Variants in GALR1 observed in about 807,000 individuals in gnomAD.
GALR1 encodes the protein galanin receptor type 1.
Under a neutral mutation model 17.9 loss-of-function variants are expected in GALR1, and 11 were observed. That is an observed-to-expected ratio of 0.62 (90% CI 0.39 to 1.02). The LOEUF (loss-of-function observed/expected upper bound fraction) is 1.02. GALR1 is among the 50% of genes least tolerant of loss of function. The probability of loss-of-function intolerance (pLI) is 0.01; values close to 1 mark genes in which losing one functional copy is unlikely to be tolerated. For synonymous variants in GALR1, 206 were observed against 205.7 expected (o/e 1.00, Z -0.01); for missense variants, 441 against 456.9 (o/e 0.97, Z 0.32).
chr18:77,252,932 C>T (rs947274653), intron 1 of GALR1, among the ~76,000 whole-genome samples: 709 of 40,452 alleles, frequency 0.018, 3 homozygotes, highest in African/African-American at 0.024. Context: ...ATCACCACCA[C>T]CACCACCACC....
Position 77,275,051 on chromosome 18 carries a change from A to T in GALR1, c.*6149A>T, listed in dbSNP as rs2000841. On this transcript the variant is annotated 3_prime_UTR_variant, in exon 3 of 3. Coordinates refer to ENST00000299727, the MANE Select transcript of GALR1 (RefSeq NM_001480.4). ...CCATCTAACAGAAACGCAAGCTTCA[A>T]GAGCAAGTTATTTTTATAACAGATC... 21,265 of 152,292 alleles carry T rather than the reference A, an allele frequency of 0.14. 1,595 individuals carry two copies. The highest frequency in any genetic ancestry group is 0.17 in the Admixed American group (2,584 of 15,292). The allele number at this position is 152,292 out of a possible 1,614,324, so 9.4% of individuals were successfully genotyped here.
intron 2 of GALR1, among the ~76,000 whole-genome samples, chr18:77,259,449 C>CATGGTGGTGATGGTGGTG (rs1193081379): frequency 3.4e-5 from 2 of 59,594 alleles, no homozygotes; most frequent in Admixed American, 1.7e-4. Flanking sequence ...TGATGGTGAT[C>CATGGTGGTGATGGTGGTG]ATGGTGGTGA....
At position 77,270,776 on chromosome 18, in the gene GALR1, T is replaced by C. The variant is rs1030653456; in HGVS notation, c.*1874T>C. The C allele has an allele frequency of 6.6e-6, 1 of 152,194 alleles. No homozygotes were observed. The highest frequency in any genetic ancestry group is 1.5e-5 in the Non-Finnish European group (1 of 68,018). 9.4% of individuals were successfully genotyped at this position (152,194 alleles called of 1,614,324 possible). ...AAACGTTAGAAAGATTTTGAAGTGA[T>C]GTATTATGTTTGTTGACTAGAAGAA... On this transcript the variant is annotated 3_prime_UTR_variant, in exon 3 of 3. Coordinates refer to ENST00000299727, the MANE Select transcript of GALR1 (RefSeq NM_001480.4).
rs1403033531 is a variant in GALR1 at position 77,276,860 on chromosome 18, C to A, written c.*7958C>A. Reference sequence around the variant, plus strand: ...CTAGCTACAGAAATTTGTAAGTTTTCAAAAGCATGAAGGAGTTTAATAACT... The same window carrying A: ...CTAGCTACAGAAATTTGTAAGTTTTAAAAAGCATGAAGGAGTTTAATAACT... On this transcript the variant is annotated 3_prime_UTR_variant, in exon 3 of 3. Coordinates refer to ENST00000299727, the MANE Select transcript of GALR1 (RefSeq NM_001480.4). 6.6e-6 allele frequency: 1 copy of A among 152,064 alleles called. No individual in the cohort carries two copies. The highest frequency in any genetic ancestry group is 1.5e-5 in the Non-Finnish European group (1 of 68,010). The allele number at this position is 152,064 out of a possible 1,614,324, so 9.4% of individuals were successfully genotyped here.
Position 77,250,412 on chromosome 18 carries a change from G to T in GALR1, c.-137G>T. On this transcript the variant is annotated 5_prime_UTR_variant, in exon 1 of 3. Transcript: ENST00000299727. ...ACCGGATCCCCGCTCCCGCTGGCTC[G>T]CGCCTCGGGGGAAGCTCAGACTCCT... 1 of 927,896 alleles carries T rather than the reference G, an allele frequency of 1.1e-6. No individual in the cohort carries two copies. The highest frequency in any genetic ancestry group is 1.5e-6 in the Non-Finnish European group (1 of 673,506). 57.5% of individuals were successfully genotyped at this position (927,896 alleles called of 1,614,324 possible).
chr18:77,272,356 G>C lies in GALR1; in HGVS notation c.*3454G>C, dbSNP rs1404776439. On this transcript the variant is annotated 3_prime_UTR_variant, in exon 3 of 3. Coordinates refer to ENST00000299727, the MANE Select transcript of GALR1 (RefSeq NM_001480.4). ...TGAGACCCAAGATCTCAGCAGGAGA[G>C]GACAGCTTATCCAAGCATCCCTTTC... 6.6e-6 allele frequency: 1 copy of C among 152,222 alleles called. No homozygotes were observed. Among genetic ancestry groups the C allele is most frequent in the African/African-American group, 2.4e-5 (1 of 41,450 alleles). The allele number at this position is 152,222 out of a possible 1,614,324, so 9.4% of individuals were successfully genotyped here.
In GALR1 at chr18:77,276,968, T is replaced by C. The variant is rs1913169979; in HGVS notation, c.*8066T>C. On this transcript the variant is annotated 3_prime_UTR_variant, in exon 3 of 3. Transcript: ENST00000299727. ...TTGGTGGAAAAGAGCACCTATGCAT[T>C]CAATTTGTTTCCCTCAAATGCTAAG... The C allele has an allele frequency of 1.3e-5, 2 of 152,234 alleles. No homozygotes were observed. 9.4% of individuals were successfully genotyped at this position (152,234 alleles called of 1,614,324 possible). A position where few individuals can be genotyped will look rare whatever the true frequency, so the allele number is the denominator to read the frequency against.
At chr18:77,252,956 CCATCACCACCACCATCACCACCAT>C (rs1912487807) in intron 1 of GALR1, among the ~76,000 whole-genome samples, 15 of 55,380 alleles carry the variant, frequency 2.7e-4, no homozygotes, top group Admixed American at 6.7e-4. Context: ...ACCATCACCA[CCATCACCACCACCATCACCACCAT>C]CACCACCATC....
chr18:77,256,083 A>G (rs539996945), intron 1 of GALR1, 75 bp from the exon 2 acceptor site: 42 of 773,258 alleles, frequency 5.4e-5, no homozygotes, highest in Non-Finnish European at 6.3e-5. Context: ...CAGCATGTCA[A>G]TAATTGTTAA....
intron 2 of GALR1, among the ~76,000 whole-genome samples, chr18:77,265,888 T>C (rs1161210294): frequency 1.3e-5 from 2 of 152,058 alleles, no homozygotes; most frequent in African/African-American, 4.8e-5. Flanking sequence ...ATGAAACCAC[T>C]TTTCCTCCTA....
chr18:77,259,053 G>C (rs1246531341), intron 2 of GALR1, among the ~76,000 whole-genome samples: 2 of 6,814 alleles, frequency 2.9e-4, no homozygotes, highest in Non-Finnish European at 4.7e-3. Context: ...TCATGGTGGT[G>C]ATGATGGTGG....
In GALR1 at chr18:77,276,929, T is replaced by A. The variant is rs1345125297; in HGVS notation, c.*8027T>A. 2.6e-5 allele frequency: 4 copies of A among 152,118 alleles called. No homozygotes were observed. The highest frequency in any genetic ancestry group is 1.9e-4 in the East Asian group (1 of 5,204). 9.4% of individuals were successfully genotyped at this position (152,118 alleles called of 1,614,324 possible). On this transcript the variant is annotated 3_prime_UTR_variant, in exon 3 of 3. Coordinates refer to ENST00000299727, the MANE Select transcript of GALR1 (RefSeq NM_001480.4). Reference sequence around the variant, plus strand: ...TGTTATAATTTTTGCCTCAAAAAAATAAAATAAAATAGCTTGGTGGAAAAG... The same window carrying A: ...TGTTATAATTTTTGCCTCAAAAAAAAAAAATAAAATAGCTTGGTGGAAAAG...
Position 77,267,118 on chromosome 18 carries a change from A to G in GALR1, c.733-1467A>G, listed in dbSNP as rs140298927. On this transcript the variant is annotated intron_variant, in intron 2 of 2. Transcript: ENST00000299727. Reference sequence around the variant, plus strand: ...AAACTTGCTGGTGAAGTGAACAGAAAGCTGAAGCCATCGAACAGAGGAGGC... The same window carrying G: ...AAACTTGCTGGTGAAGTGAACAGAAGGCTGAAGCCATCGAACAGAGGAGGC... Among the ~76,000 whole-genome samples the G allele has an allele frequency of 3.0e-4, 46 of 152,376 alleles. No individual in the cohort carries two copies. In the East Asian group the frequency reaches 7.9e-3, roughly 26 times the overall value.
chr18:77,252,208 C>T (rs549892333), intron 1 of GALR1, among the ~76,000 whole-genome samples: 1 of 151,610 alleles, frequency 6.6e-6, no homozygotes, highest in Non-Finnish European at 1.5e-5. Context: ...CTTTGACATA[C>T]GTGTTTTTAT....
intron 1 of GALR1, among the ~76,000 whole-genome samples, chr18:77,253,010 C>CCAT (rs1912501839): frequency 9.6e-5 from 6 of 62,636 alleles, no homozygotes; most frequent in East Asian, 4.8e-4. Context: ...ACCACCACCA[C>CCAT]CACCACCACC....
At chr18:77,252,905 C>CCATCACCAT (rs1568139030) in intron 1 of GALR1, among the ~76,000 whole-genome samples, 2 of 31,230 alleles carry the variant, frequency 6.4e-5, no homozygotes, top group African/African-American at 2.1e-4. Flanking sequence ...ATCACCACCA[C>CCATCACCAT]CACCACCACC....
intron 1 of GALR1, among the ~76,000 whole-genome samples, chr18:77,253,318 T>C (rs1270655361): frequency 6.6e-6 from 1 of 152,194 alleles, no homozygotes; most frequent in Non-Finnish European, 1.5e-5. Flanking sequence ...GGTGAATGAT[T>C]CTGGAAGGAT....
rs1347271800 is a variant in GALR1, at chr18:77,250,218, G to A, written c.-331G>A. Among the ~76,000 whole-genome samples, 2 of 152,188 alleles carry A rather than the reference G, an allele frequency of 1.3e-5. No homozygotes were observed. The highest frequency in any genetic ancestry group is 2.9e-5 in the Non-Finnish European group (2 of 68,032). On this transcript the variant is annotated 5_prime_UTR_variant, in exon 1 of 3. Transcript: ENST00000299727. ...TCCACCTGCGCGGCTGCAGCCGGCGGATCCCTCTTCCCAGGCTCCGTGGTC... is the reference window on the plus strand; with the variant it reads ...TCCACCTGCGCGGCTGCAGCCGGCGAATCCCTCTTCCCAGGCTCCGTGGTC...
intron 2 of GALR1, among the ~76,000 whole-genome samples, chr18:77,259,215 C>T (rs1220542244): frequency 2.6e-5 from 1 of 38,878 alleles, no homozygotes; most frequent in African/African-American, 1.3e-4. Context: ...GTCATGGTGG[C>T]GATTGTGGTG....
Sources: gnomAD v4.1 joint callset for allele counts (sites outside exome capture counted in the v4.1 genomes callset) on GRCh38, gnomAD v4.1.1 for gene constraint, MANE v1.5 for transcripts, NCBI Gene and HGNC (gene_info 2026-07-23, HGNC 2026-07-21) for gene names.